Variants in AGBL1 observed in about 807,000 individuals in gnomAD.
The protein encoded by AGBL1 is AGBL carboxypeptidase 1, also known as cytosolic carboxypeptidase 4.
Under a neutral mutation model 118.9 loss-of-function variants are expected in AGBL1, and 130 were observed. The ratio of observed to expected loss-of-function variants is 1.09; its 90% CI spans 0.95 to 1.26. The LOEUF is 1.26. Ranked by LOEUF, AGBL1 falls within the 50% of genes most tolerant of loss-of-function variation. The probability of loss-of-function intolerance (pLI) is 0.00; values close to 1 mark genes in which losing one functional copy is unlikely to be tolerated. For missense variants in AGBL1, 1,584 were observed against 1,298.1 expected (o/e 1.22, Z -3.38); for synonymous variants, 555 against 478.9 (o/e 1.16, Z -2.08).
At chr15:86,605,799 G>C (rs1567080483) in intron 21 of AGBL1, among the ~76,000 whole-genome samples, 2 of 151,818 alleles carry the variant, frequency 1.3e-5, no homozygotes, top group Non-Finnish European at 2.9e-5. Flanking sequence ...ATGTTGTGTG[G>C]TTTGGGCTGG....
intron 22 of AGBL1, among the ~76,000 whole-genome samples, chr15:86,854,634 C>A (rs963584949): frequency 1.3e-5 from 2 of 152,118 alleles, no homozygotes; most frequent in African/African-American, 4.8e-5. Context: ...GTAGTGGAGA[C>A]TAGAAACATT....
At chr15:86,337,265 A>G (rs1302595297) in intron 17 of AGBL1, among the ~76,000 whole-genome samples, 1 of 152,170 alleles carries the variant, frequency 6.6e-6, no homozygotes, top group East Asian at 1.9e-4. Flanking sequence ...AGACAAACCT[A>G]GTCACTCATG....
chr15:86,507,308 A>T (rs1253926760), intron 18 of AGBL1, among the ~76,000 whole-genome samples: 2 of 152,136 alleles, frequency 1.3e-5, no homozygotes, highest in Non-Finnish European at 2.9e-5. Flanking sequence ...CTGTACTCAA[A>T]CTGCAACTAT....
At chr15:86,641,050 TTGAA>T (rs1393851235) in intron 21 of AGBL1, among the ~76,000 whole-genome samples, 3 of 152,134 alleles carry the variant, frequency 2.0e-5, no homozygotes, top group African/African-American at 7.2e-5. Flanking sequence ...ACTCTTGACT[TTGAA>T]TGAGTCCTAA....
At chr15:86,801,044 C>G (rs191128709) in intron 22 of AGBL1, among the ~76,000 whole-genome samples, 4 of 152,124 alleles carry the variant, frequency 2.6e-5, no homozygotes, top group African/African-American at 9.6e-5. Flanking sequence ...CTCTTCTTAG[C>G]ACATCTTTGC....
At chr15:86,700,946 G>A (rs955495473) in intron 22 of AGBL1, among the ~76,000 whole-genome samples, 1 of 152,124 alleles carries the variant, frequency 6.6e-6, no homozygotes. Flanking sequence ...CAGGAACCAT[G>A]TGAAATGCTG....
rs60962004 is a variant in AGBL1 at position 86,277,147 on chromosome 15, AT to A, written c.2076-2476del. On this transcript the variant is annotated intron_variant, in intron 15 of 22. Coordinates refer to ENST00000614907, the MANE Select transcript of AGBL1 (RefSeq NM_001386094.1). ...TTCTAAATAAGGTGTTTATAATAAG[AT>A]TTTTTTTTTTTTTTTGGAATTCCAG... 8.9e-3 allele frequency among the ~76,000 whole-genome samples: 1,279 copies of A among 143,148 alleles called. 9 individuals carry two copies. Among genetic ancestry groups the A allele is most frequent in the African/African-American group, 0.02 (799 of 39,104 alleles). 93.9% of individuals were successfully genotyped at this position (143,148 alleles called of 152,430 possible). A position where few individuals can be genotyped will look rare whatever the true frequency, so the allele number is the denominator to read the frequency against.
At chr15:86,846,396 G>C (rs892277679) in intron 22 of AGBL1, among the ~76,000 whole-genome samples, 1 of 152,138 alleles carries the variant, frequency 6.6e-6, no homozygotes, top group African/African-American at 2.4e-5. Flanking sequence ...CTTTTTATCT[G>C]TACATAAGGA....
At chr15:86,804,075 C>T (rs908313587) in intron 22 of AGBL1, among the ~76,000 whole-genome samples, 1 of 151,978 alleles carries the variant, frequency 6.6e-6, no homozygotes, top group Non-Finnish European at 1.5e-5. Flanking sequence ...CTAAGAAAGC[C>T]AAGTACAGGC....
intron 1 of AGBL1, among the ~76,000 whole-genome samples, chr15:86,091,544 G>A (rs1896027344): frequency 2.0e-5 from 3 of 152,314 alleles, no homozygotes; most frequent in East Asian, 1.9e-4. Context: ...TTCATACACT[G>A]CAAGGCAGTG....
intron 22 of AGBL1, among the ~76,000 whole-genome samples, chr15:86,774,184 C>A (rs959130152): frequency 2.0e-5 from 3 of 152,086 alleles, no homozygotes; most frequent in African/African-American, 7.2e-5. Context: ...GAGCCCGATG[C>A]TGTATTGTGC....
rs139007972 is a variant in AGBL1 at position 86,475,430 on chromosome 15, C to G, written c.2556-47380C>G. ...ACACGAGAACTATGTGATGAATGCA[C>G]AAGCTTCAGTAGGCAATTCGATCAA... is the stretch of plus-strand genomic sequence containing the variant. On this transcript the variant is annotated intron_variant, in intron 18 of 22. Transcript: ENST00000614907. Among the ~76,000 whole-genome samples the G allele has an allele frequency of 5.6e-4, 86 of 152,222 alleles. 1 individual carries two copies. The highest frequency in any genetic ancestry group is 1.9e-3 in the African/African-American group (80 of 41,536).
chr15:86,972,475 T>C (rs1052886390), intron 23 of AGBL1, among the ~76,000 whole-genome samples: 1 of 152,050 alleles, frequency 6.6e-6, no homozygotes, highest in East Asian at 1.9e-4. Flanking sequence ...AAACAAAGCG[T>C]TTTTTATTTA....
At chr15:86,710,029 A>T (rs2086527013) in intron 22 of AGBL1, among the ~76,000 whole-genome samples, 1 of 152,198 alleles carries the variant, frequency 6.6e-6, no homozygotes, top group Non-Finnish European at 1.5e-5. Context: ...ACACATGGCC[A>T]AAATGCTAGT....
intron 7 of AGBL1, among the ~76,000 whole-genome samples, chr15:86,252,551 T>C (rs1461190969): frequency 6.6e-6 from 1 of 152,188 alleles, no homozygotes; most frequent in African/African-American, 2.4e-5. Flanking sequence ...GATAATGCAG[T>C]GTAGCCAGCA....
chr15:86,749,905 C>A (rs557949896), intron 22 of AGBL1, among the ~76,000 whole-genome samples: 1 of 151,942 alleles, frequency 6.6e-6, no homozygotes, highest in Admixed American at 6.6e-5. Context: ...TGCTGGATTC[C>A]GTTTGCCAGT....
chr15:86,114,781 G>C (rs755632325), intron 1 of AGBL1, among the ~76,000 whole-genome samples: 4 of 152,172 alleles, frequency 2.6e-5, no homozygotes, highest in African/African-American at 9.6e-5. Flanking sequence ...GCCCACTTCA[G>C]AACTGTTTGC....
At chr15:86,816,596 A>G (rs1430144960) in intron 22 of AGBL1, among the ~76,000 whole-genome samples, 1 of 152,214 alleles carries the variant, frequency 6.6e-6, no homozygotes, top group Non-Finnish European at 1.5e-5. Flanking sequence ...TTTCAGGATG[A>G]GAAAAAATAC....
chr15:86,109,073 G>T (rs188029184), intron 1 of AGBL1, among the ~76,000 whole-genome samples: 1 of 152,164 alleles, frequency 6.6e-6, no homozygotes, highest in African/African-American at 2.4e-5. Flanking sequence ...CTGTAAAATG[G>T]ATATTGGTTG....
Sources: allele counts gnomAD v4.1 joint callset (sites outside exome capture counted in the v4.1 genomes callset), GRCh38; gene constraint gnomAD v4.1.1; transcripts MANE v1.5; gene names NCBI Gene and HGNC (gene_info 2026-07-23, HGNC 2026-07-21).